AP3D1: variants seen among roughly 807,000 people sequenced by gnomAD.
AP3D1 encodes adaptor related protein complex 3 subunit delta 1, also known as AP-3 complex subunit delta-1.
A neutral mutation model predicts 147.6 loss-of-function variants in AP3D1; 51 were observed. The ratio of observed to expected loss-of-function variants is 0.35; its 90% confidence interval spans 0.28 to 0.44. The LOEUF is 0.44. Ranked by LOEUF, AP3D1 falls within the 20% of genes least tolerant of loss-of-function variation. The probability of loss-of-function intolerance (pLI) is 1.00; values close to 1 mark genes in which losing one functional copy is unlikely to be tolerated. For synonymous variants in AP3D1, 760 were observed against 663.0 expected, an observed-to-expected ratio of 1.15 and a Z score of -2.25; for missense variants, 1,421 against 1,624.2, an observed-to-expected ratio of 0.87 and a Z score of 2.15.
At chr19:2,163,358 G>A (rs765582161) in intron 1 of AP3D1, among the ~76,000 whole-genome samples, 4 of 151,548 alleles carry the variant, frequency 2.6e-5, no homozygotes, top group Non-Finnish European at 5.9e-5. Context: ...ACAGGCATGA[G>A]CCAGGGCTCC....
At position 2,129,180 on chromosome 19, in the gene AP3D1, G is replaced by T; in HGVS notation, c.733-17C>A. 6.2e-7 allele frequency: 1 copy of T among 1,605,930 alleles called. No individual in the cohort carries two copies. The highest frequency in any genetic ancestry group is 8.5e-7 in the Non-Finnish European group (1 of 1,177,088). Reference sequence around the variant, plus strand: ...AGCACCGAACTGTGGGGACAGCAGGGCCTCGGTCACCCGCAGGGAATGCCC... The same window carrying T: ...AGCACCGAACTGTGGGGACAGCAGGTCCTCGGTCACCCGCAGGGAATGCCC... On this transcript the variant is annotated splice_polypyrimidine_tract_variant and intron_variant, in intron 7 of 31. Coordinates refer to ENST00000643116, the MANE Select transcript of AP3D1 (RefSeq NM_001261826.3).
chr19:2,114,622 G>GGCCCCCCCCCCCCCCCCCCCCCCC, intron 21 of AP3D1, 126 bp downstream of exon 21: 2 of 665,752 alleles, frequency 3.0e-6, no homozygotes, highest in Non-Finnish European at 5.3e-6. Flanking sequence ...TCTGGGGAAG[G>GGCCCCCCCCCCCCCCCCCCCCCCC]CCCGCCCGCA....
intron 1 of AP3D1, among the ~76,000 whole-genome samples, chr19:2,159,532 G>A (rs1309690188): frequency 6.6e-6 from 1 of 151,848 alleles, no homozygotes; most frequent in Non-Finnish European, 1.5e-5. Context: ...GGGACTACAG[G>A]TGCCCGCCAC....
At chr19:2,123,173 T>C (rs1568289348) in intron 11 of AP3D1, among the ~76,000 whole-genome samples, 185 bp downstream of exon 11, 1 of 152,096 alleles carries the variant, frequency 6.6e-6, no homozygotes, top group Non-Finnish European at 1.5e-5. Context: ...CCCACGCAGA[T>C]AGGTCGGGGT....
At chr19:2,118,262 G>A (rs546112398) in intron 15 of AP3D1, among the ~76,000 whole-genome samples, 5 of 152,256 alleles carry the variant, frequency 3.3e-5, no homozygotes, top group Admixed American at 1.3e-4. Context: ...TAGAACCCAC[G>A]TCACCTGCAG....
At position 2,134,286 on chromosome 19, in the gene AP3D1, TGG is replaced by T. The variant is rs574941103; in HGVS notation, c.355-1710_355-1709del. On this transcript the variant is annotated intron_variant, in intron 4 of 31. Coordinates refer to ENST00000643116, the MANE Select transcript of AP3D1 (RefSeq NM_001261826.3). ...TACAAAAAAAATCAGCCAGGTGTGG[TGG>T]TGTATGCCTGCAGTCCCAGCTACTC... Among the ~76,000 whole-genome samples, 43 of 151,876 alleles carry T rather than the reference TGG, an allele frequency of 2.8e-4. No individual in the cohort carries two copies. The East Asian group carries it at 8.4e-3, about 30-fold the overall frequency.
At position 2,111,036 on chromosome 19, in the gene AP3D1, C is replaced by T. The variant is rs79288884; in HGVS notation, c.2986-140G>A. On this transcript the variant is annotated intron_variant, in intron 26 of 31. Transcript: ENST00000643116. ...CACGGAGAGGGGCGCCCCCTAGCCG[C>T]AGGCCAAGCGCCTCCTATGGCTGCT... 0.14 allele frequency: 146,662 copies of T among 1,023,186 alleles called. 11,653 individuals are homozygous for T. Among genetic ancestry groups the T allele is most frequent in the Non-Finnish European group, 0.16 (113,039 of 708,578 alleles). The allele number at this position is 1,023,186 out of a possible 1,614,324, so 63.4% of individuals were successfully genotyped here.
At chr19:2,147,087 G>A (rs1234033108) in intron 1 of AP3D1, among the ~76,000 whole-genome samples, 1 of 152,222 alleles carries the variant, frequency 6.6e-6, no homozygotes, top group Non-Finnish European at 1.5e-5. Flanking sequence ...GCTCACGCCT[G>A]TCATCCCAGC....
intron 4 of AP3D1, among the ~76,000 whole-genome samples, chr19:2,135,468 A>G (rs956874583): frequency 2.0e-5 from 3 of 152,170 alleles, no homozygotes; most frequent in Admixed American, 6.5e-5. Context: ...CCCAGGAGGC[A>G]GAGGTTGCGG....
intron 25 of AP3D1, 97 bp from the exon 26 acceptor site, chr19:2,111,429 TC>T (rs762883146): frequency 8.2e-6 from 12 of 1,470,430 alleles, no homozygotes; most frequent in Non-Finnish European, 1.0e-5. Context: ...ATGCCACGAC[TC>T]CAAGAATGCT....
Position 2,101,949 on chromosome 19 carries a change from G to A in AP3D1, c.*224C>T. The A allele has an allele frequency of 1.9e-6, 1 of 527,348 alleles. No homozygotes were observed. The highest frequency in any genetic ancestry group is 3.6e-5 in the Admixed American group (1 of 27,700). 32.7% of individuals were successfully genotyped at this position (527,348 alleles called of 1,614,324 possible). A position where few individuals can be genotyped will look rare whatever the true frequency, so the allele number is the denominator to read the frequency against. Reference sequence around the variant, plus strand: ...TCCCTTGCTGGTTTGGGGGCGAGAAGGGGACTTCTTGCCAAAGAGAATGGG... The same window carrying A: ...TCCCTTGCTGGTTTGGGGGCGAGAAAGGGACTTCTTGCCAAAGAGAATGGG... On this transcript the variant is annotated 3_prime_UTR_variant, in exon 32 of 32. Transcript: ENST00000643116.
upstream of AP3D1, among the ~76,000 whole-genome samples, chr19:2,152,186 G>A (rs78463393): frequency 0.064 from 9,673 of 152,180 alleles, 356 homozygotes; most frequent in East Asian, 0.14. Flanking sequence ...GGCATGCAGC[G>A]GTAAATGAGA....
chr19:2,128,972 GA>G, intron 8 of AP3D1, 117 bp downstream of exon 8: 1 of 62,074 alleles, frequency 1.6e-5, no homozygotes, highest in Non-Finnish European at 3.0e-5. Flanking sequence ...GCACCCCGTG[GA>G]GCCGGCCCGC....
chr19:2,109,823 G>A (rs769365925), intron 29 of AP3D1, 50 bp downstream of exon 29: 54 of 1,556,126 alleles, frequency 3.5e-5, no homozygotes, highest in Non-Finnish European at 4.6e-5. Context: ...GCAAGGTAGA[G>A]GGGAGGCGGA....
upstream of AP3D1, among the ~76,000 whole-genome samples, chr19:2,154,680 T>C (rs190354894): frequency 2.6e-5 from 4 of 152,358 alleles, no homozygotes; most frequent in East Asian, 7.7e-4. Context: ...TCTAATCTGA[T>C]TGGGAGCCCA....
intron 1 of AP3D1, 53 bp from the exon 2 acceptor site, chr19:2,138,767 A>C: frequency 7.3e-7 from 1 of 1,362,166 alleles, no homozygotes; most frequent in Non-Finnish European, 1.0e-6. Context: ...AGAGGGCTGG[A>C]ATAATGATTT....
chr19:2,125,256 G>A (rs144040549), intron 9 of AP3D1, among the ~76,000 whole-genome samples: 167 of 152,216 alleles, frequency 1.1e-3, no homozygotes, highest in African/African-American at 3.8e-3. Flanking sequence ...GCATATTCAC[G>A]CATGCAAGAT....
Position 2,111,307 on chromosome 19 carries a change from G to A in AP3D1, c.2963C>T (p.Ala988Val), listed in dbSNP as rs770997605. Residue 988 changes from alanine to valine, a missense_variant, in exon 26 of 32, where the codon GCT (alanine) becomes GTT (valine). This residue lies in a region of AP3D1 where 791 missense variants were observed against 761.4 expected (regional missense o/e 1.04). Transcript: ENST00000643116. ...LPPESSYSLL[A>V]ENSYVKMTCD... ...CACCATTTTAACATAGGAATTTTCA[G>A]CGAGGAGGGAGTAGCTGGACTCAGG... The A allele has an allele frequency of 3.7e-6, 6 of 1,613,956 alleles. No individual in the cohort carries two copies. In the South Asian group the frequency reaches 6.6e-5, roughly 18 times the overall value.
Position 2,114,910 on chromosome 19 carries a change from T to C in AP3D1, c.2350-89A>G, listed in dbSNP as rs574527300. The C allele has an allele frequency of 7.9e-5, 111 of 1,406,688 alleles. 1 individual carries two copies. The highest frequency in any genetic ancestry group is 7.0e-4 in the South Asian group (60 of 85,678). The allele number at this position is 1,406,688 out of a possible 1,614,324, so 87.1% of individuals were successfully genotyped here. On this transcript the variant is annotated intron_variant, in intron 20 of 31. Coordinates refer to ENST00000643116, the MANE Select transcript of AP3D1 (RefSeq NM_001261826.3). ...ATCTGGGACGCAGTGGGACTGCCCA[T>C]GCGGGCCACACGCACAGGTGGGCAG...
Sources: allele counts gnomAD v4.1 joint callset (sites outside exome capture counted in the v4.1 genomes callset), GRCh38; gene constraint gnomAD v4.1.1; regional missense constraint gnomAD v4.1.1; transcripts MANE v1.5; gene names NCBI Gene and HGNC (gene_info 2026-07-23, HGNC 2026-07-21).